Variants in CTNNA2 observed in about 807,000 individuals in gnomAD.
CTNNA2 encodes catenin alpha 2.
CTNNA2 carries 42 observed loss-of-function variants against 101.0 expected under a neutral mutation model. The observed-to-expected ratio is 0.42, with a 90% confidence interval of 0.32 to 0.54. CTNNA2 has a LOEUF of 0.54. Ranked by LOEUF, CTNNA2 falls within the 20% of genes least tolerant of loss-of-function variation. The pLI is 0.14. For missense variants in CTNNA2, 871 were observed against 1,223.1 expected (o/e 0.71, Z 4.29); for synonymous variants, 450 against 456.4 (o/e 0.99, Z 0.18).
chr2:79,792,405 A>G (rs1157172905), intron 3 of CTNNA2, among the ~76,000 whole-genome samples: 1 of 152,202 alleles, frequency 6.6e-6, no homozygotes, highest in Non-Finnish European at 1.5e-5. Context: ...CTGTGTGTAC[A>G]AGCATCCACC....
chr2:79,371,820 C>T (rs1677878180), intron 3 of CTNNA2, among the ~76,000 whole-genome samples: 3 of 152,106 alleles, frequency 2.0e-5, no homozygotes, highest in African/African-American at 4.8e-5. Context: ...TTCAATGAAA[C>T]CCGGAAATCT....
chr2:79,337,020 T>C (rs904588750), intron 3 of CTNNA2, among the ~76,000 whole-genome samples: 3 of 152,164 alleles, frequency 2.0e-5, no homozygotes, highest in African/African-American at 4.8e-5. Context: ...ATAAACACCT[T>C]GATGTTCCTC....
intron 7 of CTNNA2, among the ~76,000 whole-genome samples, chr2:79,919,388 C>G (rs1185877351): frequency 6.6e-6 from 1 of 152,212 alleles, no homozygotes; most frequent in African/African-American, 2.4e-5. Context: ...AGAACTCTAG[C>G]TAGTTTCTCT....
chr2:79,311,570 A>G (rs1676375301), intron 2 of CTNNA2, among the ~76,000 whole-genome samples: 1 of 152,136 alleles, frequency 6.6e-6, no homozygotes, highest in South Asian at 2.1e-4. Flanking sequence ...TCCCCCGGTG[A>G]CAGTCGCTTA....
At chr2:79,503,444 C>T (rs1029177913) in intron 4 of CTNNA2, among the ~76,000 whole-genome samples, 1 of 152,074 alleles carries the variant, frequency 6.6e-6, no homozygotes, top group Admixed American at 6.6e-5. Flanking sequence ...TGCTTCTGAC[C>T]AAAGAACTTA....
intron 2 of CTNNA2, among the ~76,000 whole-genome samples, chr2:79,298,525 T>C (rs1160107439): frequency 6.6e-6 from 1 of 152,204 alleles, no homozygotes; most frequent in Non-Finnish European, 1.5e-5. Flanking sequence ...TTGATTCTTC[T>C]AACTCTGATG....
intron 7 of CTNNA2, among the ~76,000 whole-genome samples, chr2:80,088,727 AAAG>A (rs141068789): frequency 0.011 from 1,696 of 152,152 alleles, 22 homozygotes; most frequent in African/African-American, 0.036. Context: ...AAAAAGAAAG[AAAG>A]AAGGATTGAA....
intron 7 of CTNNA2, among the ~76,000 whole-genome samples, chr2:79,945,005 C>T (rs1688401513): frequency 6.6e-6 from 1 of 152,084 alleles, no homozygotes; most frequent in Non-Finnish European, 1.5e-5. Flanking sequence ...TACCTTTTCT[C>T]ATAAATAAGT....
intron 3 of CTNNA2, among the ~76,000 whole-genome samples, chr2:79,826,210 A>G (rs1483791610): frequency 6.6e-6 from 1 of 152,246 alleles, no homozygotes; most frequent in South Asian, 2.1e-4. Context: ...AATCATTCAG[A>G]TTTTATAAAT....
intron 3 of CTNNA2, among the ~76,000 whole-genome samples, chr2:79,786,183 C>T (rs1179134061): frequency 6.6e-6 from 1 of 151,826 alleles, no homozygotes; most frequent in Non-Finnish European, 1.5e-5. Flanking sequence ...ACCATGTTAA[C>T]ATGAAATGAT....
rs115497946 is a variant in CTNNA2 at position 80,541,641 on chromosome 2, A to G, written c.1291-3341A>G. Among the ~76,000 whole-genome samples, 718 of 152,216 alleles carry G rather than the reference A, an allele frequency of 4.7e-3. 4 individuals are homozygous for G. Among genetic ancestry groups the G allele is most frequent in the Non-Finnish European group, 7.2e-3 (492 of 68,012 alleles). On this transcript the variant is annotated intron_variant, in intron 9 of 18. Transcript: ENST00000402739. ...AAGTCCCACAGGGTCGACTTCTGCC[A>G]GGTGACTCGCAGTCAGCATAAGTGG...
chr2:79,475,128 C>CT (rs936311636), intron 4 of CTNNA2, among the ~76,000 whole-genome samples: 31 of 151,594 alleles, frequency 2.0e-4, no homozygotes, highest in East Asian at 1.4e-3. Context: ...ACTCTTTTTT[C>CT]TTTTTTTTGT....
chr2:79,495,582 A>C (rs1671247516), intron 4 of CTNNA2, among the ~76,000 whole-genome samples: 1 of 152,196 alleles, frequency 6.6e-6, no homozygotes, highest in Admixed American at 6.5e-5. Context: ...TAATAAGCAG[A>C]GTTACCACGT....
chr2:79,315,850 C>T (rs1247762254), intron 3 of CTNNA2, among the ~76,000 whole-genome samples: 1 of 152,086 alleles, frequency 6.6e-6, no homozygotes, highest in Admixed American at 6.6e-5. Context: ...TCCCAATTCA[C>T]TTCATCATTT....
At chr2:79,929,620 A>G (rs1262696498) in intron 7 of CTNNA2, among the ~76,000 whole-genome samples, 1 of 152,174 alleles carries the variant, frequency 6.6e-6, no homozygotes, top group Non-Finnish European at 1.5e-5. Flanking sequence ...TGACATTATC[A>G]CTTTCATAAT....
At chr2:80,422,155 G>A (rs1680582450) in intron 9 of CTNNA2, among the ~76,000 whole-genome samples, 1 of 152,140 alleles carries the variant, frequency 6.6e-6, no homozygotes, top group African/African-American at 2.4e-5. Context: ...ATGTGGGGAG[G>A]CCTCACAATC....
At chr2:79,282,201 T>A (rs1355014303) in intron 2 of CTNNA2, among the ~76,000 whole-genome samples, 1 of 152,084 alleles carries the variant, frequency 6.6e-6, no homozygotes, top group Non-Finnish European at 1.5e-5. Context: ...GAACTATACC[T>A]TTATCTTTTT....
At chr2:79,311,771 A>G (rs10209455) in intron 2 of CTNNA2, among the ~76,000 whole-genome samples, 16,249 of 152,158 alleles carry the variant, frequency 0.11, 1,043 homozygotes, top group Middle Eastern at 0.21. Flanking sequence ...AAGCTGATCT[A>G]TTGGTTGCCT....
chr2:80,185,857 T>C (rs998590269), intron 7 of CTNNA2, among the ~76,000 whole-genome samples: 5 of 152,202 alleles, frequency 3.3e-5, no homozygotes, highest in Admixed American at 3.3e-4. Context: ...TCTTATTAGA[T>C]TGACACATGG....
Sources: allele counts gnomAD v4.1 joint callset (sites outside exome capture counted in the v4.1 genomes callset), GRCh38; gene constraint gnomAD v4.1.1; transcripts MANE v1.5; gene names NCBI Gene and HGNC (gene_info 2026-07-23, HGNC 2026-07-21).